The following FBXO32 variants were observed in gnomAD, a reference collection of about 807,000 sequenced individuals.
FBXO32 encodes the protein F-box only protein 32.
In FBXO32, 15 loss-of-function variants were observed where a neutral mutation model predicts 48.3. That is an observed-to-expected ratio of 0.31 (90% CI 0.21 to 0.48). The LOEUF is 0.48. Among genes scored for constraint, FBXO32 ranks in the 20% least tolerant of loss-of-function variants. The probability of loss-of-function intolerance (pLI) is 0.99; values close to 1 mark genes in which losing one functional copy is unlikely to be tolerated. For missense variants in FBXO32, 309 were observed against 432.7 expected, an observed-to-expected ratio of 0.71 and a Z score of 2.54; for synonymous variants, 154 against 165.9, an observed-to-expected ratio of 0.93 and a Z score of 0.55.
intron 8 of FBXO32, among the ~76,000 whole-genome samples, chr8:123,503,915 A>G (rs1279755274): frequency 6.6e-6 from 1 of 152,116 alleles, no homozygotes; most frequent in Non-Finnish European, 1.5e-5. Context: ...CCATTCTACT[A>G]AAAATTACAG....
intron 4 of FBXO32, among the ~76,000 whole-genome samples, chr8:123,522,397 C>T (rs758126075): frequency 6.6e-5 from 10 of 151,876 alleles, no homozygotes; most frequent in Admixed American, 2.0e-4. Flanking sequence ...TTAAGAGAGA[C>T]GGTGTTTCAC....
chr8:123,508,454 G>C (rs182176133), intron 6 of FBXO32, among the ~76,000 whole-genome samples: 1 of 152,104 alleles, frequency 6.6e-6, no homozygotes, highest in East Asian at 1.9e-4. Flanking sequence ...AGCTCCCCTG[G>C]GAAGTCTCCC....
chr8:123,512,965 T>C (rs1816764716), intron 6 of FBXO32, among the ~76,000 whole-genome samples: 1 of 152,168 alleles, frequency 6.6e-6, no homozygotes, highest in African/African-American at 2.4e-5. Flanking sequence ...TTTCCCATAA[T>C]AGTTCACCAG....
At chr8:123,531,689 G>GGCCAATCTCAGGGACATCCTA (rs1817213146) in intron 4 of FBXO32, among the ~76,000 whole-genome samples, 1 of 152,144 alleles carries the variant, frequency 6.6e-6, no homozygotes, top group Non-Finnish European at 1.5e-5. Flanking sequence ...TGCCCATCCT[G>GGCCAATCTCAGGGACATCCTA]GCCAATCTCA....
Position 123,504,655 on chromosome 8 carries a change from C to T in FBXO32, c.927G>A (p.Gln309=). ...KLVRCYPRKE[Q]YGDTLQLCKH... The stretch of plus-strand genomic sequence containing the variant: ...TGCAGAGCTGAAGGGTATCTCCATA[C>T]TGCTCTTTCCTTGGGTAACATCGGA... Residue 309 remains glutamine (Q), a synonymous_variant, in exon 8 of 9, where the codon CAG becomes CAA. Transcript: ENST00000517956. The T allele has an allele frequency of 6.2e-7, 1 of 1,614,144 alleles. No individual in the cohort carries two copies. The highest frequency in any genetic ancestry group is 8.5e-7 in the Non-Finnish European group (1 of 1,180,010).
rs1488532444 is a variant in FBXO32, at chr8:123,533,200, A to C, written c.270T>G (p.Ser90Arg). 1 of 1,612,778 alleles carries C rather than the reference A, an allele frequency of 6.2e-7. No individual in the cohort carries two copies. The highest frequency in any genetic ancestry group is 1.1e-5 in the South Asian group (1 of 91,038). Residue 90 changes from serine (S) to arginine (R), a missense_variant, in exon 3 of 9, where the codon AGT (serine) becomes AGG (arginine). Coordinates refer to ENST00000517956, the MANE Select transcript of FBXO32 (RefSeq NM_058229.4). ...TGAATGGGATGCTCACCTCTTTAGT[A>C]CTTCCTTTGTGAACATAGATCCATT... ...QEKWIYVHKGSTKERHGYCTL... is the reference protein window; with the variant it reads ...QEKWIYVHKGRTKERHGYCTL...
chr8:123,515,422 T>G (rs865942110), intron 4 of FBXO32, among the ~76,000 whole-genome samples: 18 of 150,932 alleles, frequency 1.2e-4, no homozygotes, highest in African/African-American at 2.7e-4. Flanking sequence ...TTTTTTTTTG[T>G]ATTTTTATTG....
rs909313440 is a variant in FBXO32 at position 123,540,144 on chromosome 8, C to T, written c.116+755G>A. Among the ~76,000 whole-genome samples, 3 of 152,158 alleles carry T rather than the reference C, an allele frequency of 2.0e-5. No individual in the cohort carries two copies. The highest frequency in any genetic ancestry group is 7.2e-5 in the African/African-American group (3 of 41,424). Reference sequence around the variant, plus strand: ...AGGCTTTTCGCAGCTGACAGGCACCCCTGGAAACGGAGTGCACTCTATACA... The same window carrying T: ...AGGCTTTTCGCAGCTGACAGGCACCTCTGGAAACGGAGTGCACTCTATACA... On this transcript the variant is annotated intron_variant, in intron 1 of 8. Transcript: ENST00000517956. This position sits in a 1 kb window ranked among gnomAD's most constrained non-coding sequence, Gnocchi z 6.4.
At chr8:123,516,354 C>T (rs535420932) in intron 4 of FBXO32, among the ~76,000 whole-genome samples, 1 of 152,210 alleles carries the variant, frequency 6.6e-6, no homozygotes, top group Admixed American at 6.5e-5. Context: ...GAACCGAGAC[C>T]CCTCCTTTAC....
chr8:123,516,904 C>T (rs776009594), intron 4 of FBXO32, among the ~76,000 whole-genome samples: 7 of 152,030 alleles, frequency 4.6e-5, no homozygotes, highest in African/African-American at 9.7e-5. Context: ...TGGCCATGGG[C>T]GGTGACCACA....
At chr8:123,520,434 C>G (rs1328834158) in intron 4 of FBXO32, among the ~76,000 whole-genome samples, 1 of 152,104 alleles carries the variant, frequency 6.6e-6, no homozygotes, top group Non-Finnish European at 1.5e-5. Context: ...CCGTGCAGTA[C>G]CAGGAATGGC....
chr8:123,539,314 TA>T (rs1465088043), intron 1 of FBXO32, among the ~76,000 whole-genome samples: 2 of 152,124 alleles, frequency 1.3e-5, no homozygotes, highest in African/African-American at 4.8e-5. Context: ...AGTACCAACA[TA>T]TTAGATCATT....
chr8:123,513,355 A>G lies in FBXO32; in HGVS notation c.494T>C (p.Leu165Pro). ...GAGGGTCTGGAGTAGTTCCCTTATT[A>G]GTCTAATGTTTTGCTGGTCTTCAAG... ...KVLEDQQNIRLIRELLQTLYT... is the reference protein window; with the variant it reads ...KVLEDQQNIRPIRELLQTLYT... Residue 165 changes from leucine (L) to proline (P), a missense_variant, in exon 6 of 9, where the codon CTA becomes CCA. Coordinates refer to ENST00000517956, the MANE Select transcript of FBXO32 (RefSeq NM_058229.4). The surrounding 1 kb of genome is among the most constrained non-coding windows in gnomAD (Gnocchi z 4.3). 1 of 1,614,058 alleles carries G rather than the reference A, an allele frequency of 6.2e-7. No individual in the cohort carries two copies. The highest frequency in any genetic ancestry group is 8.5e-7 in the Non-Finnish European group (1 of 1,179,960).
chr8:123,520,459 G>T (rs1816929905), intron 4 of FBXO32, among the ~76,000 whole-genome samples: 1 of 152,176 alleles, frequency 6.6e-6, no homozygotes. Flanking sequence ...AGCTACTGGA[G>T]GGAGGGATGG....
chr8:123,540,788 C>T lies in FBXO32; in HGVS notation c.116+111G>A. ...GTCCCACCCTCCGGGTCAGGGTCTC[C>T]CTCCTCAGCCCGCTCCAGCCCTGCC... On this transcript the variant is annotated intron_variant, in intron 1 of 8. Coordinates refer to ENST00000517956, the MANE Select transcript of FBXO32 (RefSeq NM_058229.4). This position sits in a 1 kb window ranked among gnomAD's most constrained non-coding sequence, Gnocchi z 6.4. The T allele has an allele frequency of 1.1e-6, 1 of 893,050 alleles. No homozygotes were observed. Among genetic ancestry groups the T allele is most frequent in the Non-Finnish European group, 1.8e-6 (1 of 570,748 alleles). 55.3% of individuals were successfully genotyped at this position (893,050 alleles called of 1,614,324 possible). A position where few individuals can be genotyped will look rare whatever the true frequency, so the allele number is the denominator to read the frequency against.
In FBXO32 at chr8:123,498,810, CT is replaced by C. The variant is rs1196797641; in HGVS notation, c.*4562del. 5 of 152,166 alleles carry C rather than the reference CT, an allele frequency of 3.3e-5. No individual in the cohort carries two copies. The highest frequency in any genetic ancestry group is 1.2e-4 in the African/African-American group (5 of 41,424). The allele number at this position is 152,166 out of a possible 1,614,324, so 9.4% of individuals were successfully genotyped here. On this transcript the variant is annotated 3_prime_UTR_variant, in exon 9 of 9. Transcript: ENST00000517956. ...GAAATAAAATTGTCAAAATATGCTG[CT>C]TTCTTTATAGCAAGCAGGTTGTACT...
chr8:123,531,832 A>G (rs1176360304), intron 4 of FBXO32, 66 bp downstream of exon 4: 2 of 1,582,254 alleles, frequency 1.3e-6, no homozygotes, highest in African/African-American at 2.7e-5. Flanking sequence ...CTACTTCAAG[A>G]CAACCCAAAG....
At position 123,506,740 on chromosome 8, in the gene FBXO32, C is replaced by A; in HGVS notation, c.652-166G>T. On this transcript the variant is annotated intron_variant, in intron 6 of 8. Coordinates refer to ENST00000517956, the MANE Select transcript of FBXO32 (RefSeq NM_058229.4). This position sits in a 1 kb window ranked among gnomAD's most constrained non-coding sequence, Gnocchi z 4.0. ...CCCCATCCTAAATGCAGACAGGAGA[C>A]CATGGCCATGACCCTCAATGAAGTG... 1 of 616,230 alleles carries A rather than the reference C, an allele frequency of 1.6e-6. No homozygotes were observed. The highest frequency in any genetic ancestry group is 2.9e-6 in the Non-Finnish European group (1 of 344,702). The allele number at this position is 616,230 out of a possible 1,614,324, so 38.2% of individuals were successfully genotyped here.
At position 123,525,047 on chromosome 8, in the gene FBXO32, G is replaced by T. The variant is rs1045734418; in HGVS notation, c.372+6851C>A. On this transcript the variant is annotated intron_variant, in intron 4 of 8. Transcript: ENST00000517956. This position sits in a 1 kb window ranked among gnomAD's most constrained non-coding sequence, Gnocchi z 4.3. ...GGATGCTGATGCACATCAAGGCCCAGCAGGGGCTTGGCAACAGCATGCCCT... is the reference window on the plus strand; with the variant it reads ...GGATGCTGATGCACATCAAGGCCCATCAGGGGCTTGGCAACAGCATGCCCT... Among the ~76,000 whole-genome samples the T allele has an allele frequency of 6.6e-6, 1 of 152,252 alleles. No individual in the cohort carries two copies. The highest frequency in any genetic ancestry group is 6.5e-5 in the Admixed American group (1 of 15,288).
Sources: allele counts gnomAD v4.1 joint callset (sites outside exome capture counted in the v4.1 genomes callset), GRCh38; gene constraint gnomAD v4.1.1; non-coding constraint Gnocchi (gnomAD v3.1); transcripts MANE v1.5; gene names NCBI Gene and HGNC (gene_info 2026-07-23, HGNC 2026-07-21).